The following UNC13C variants were observed in gnomAD, a reference collection of about 807,000 sequenced individuals.
UNC13C encodes the protein protein unc-13 homolog C.
In UNC13C, 174 loss-of-function variants were observed where a neutral mutation model predicts 245.4. That is an observed-to-expected ratio of 0.71 (90% confidence interval 0.63 to 0.80). The LOEUF (loss-of-function observed/expected upper bound fraction) is 0.80. Among genes scored for constraint, UNC13C ranks in the 30% least tolerant of loss-of-function variants. The probability of loss-of-function intolerance (pLI) is 0.00; values close to 1 mark genes in which losing one functional copy is unlikely to be tolerated. For synonymous variants in UNC13C, 992 were observed against 895.1 expected (o/e 1.11, Z -1.93); for missense variants, 2,829 against 2,602.9 (o/e 1.09, Z -1.89).
chr15:54,632,883 C>G (rs1370336921), downstream of UNC13C: 1 of 152,126 alleles, frequency 6.6e-6, no homozygotes, highest in Non-Finnish European at 1.5e-5. Context: ...TTTTAACAGC[C>G]AGCCAGGCAC....
chr15:54,044,218 T>G (rs34482707), intron 2 of UNC13C, among the ~76,000 whole-genome samples: 40,418 of 152,114 alleles, frequency 0.27, 6,862 homozygotes, highest in Middle Eastern at 0.52. Flanking sequence ...TTATAATGTT[T>G]TCAAGGTTTC....
At chr15:53,880,596 T>G in the UNC13C span, among the ~76,000 whole-genome samples, 2 of 152,160 alleles carry the variant, frequency 1.3e-5, no homozygotes, top group Admixed American at 1.3e-4. Flanking sequence ...TCCTGATGTA[T>G]TATAAGGATA....
At chr15:54,426,417 A>T (rs764628470) in intron 19 of UNC13C, among the ~76,000 whole-genome samples, 1 of 150,476 alleles carries the variant, frequency 6.6e-6, no homozygotes, top group African/African-American at 2.4e-5. Context: ...CACCTTCAGT[A>T]TCTTTACAAG....
intron 30 of UNC13C, among the ~76,000 whole-genome samples, chr15:54,612,480 G>GT (rs1441930466): frequency 3.3e-5 from 5 of 152,040 alleles, no homozygotes; most frequent in East Asian, 1.9e-4. Flanking sequence ...ATTTACAAAT[G>GT]TTTTTTGTTT....
chr15:53,997,720 T>C (rs1054942994), intron 1 of UNC13C, among the ~76,000 whole-genome samples: 8 of 152,270 alleles, frequency 5.3e-5, no homozygotes, highest in African/African-American at 1.7e-4. Context: ...TCTCTAGTTA[T>C]ATCAGTATCA....
At chr15:54,055,547 T>G (rs1897472450) in intron 2 of UNC13C, among the ~76,000 whole-genome samples, 1 of 152,216 alleles carries the variant, frequency 6.6e-6, no homozygotes, top group Admixed American at 6.5e-5. Flanking sequence ...GATTTTAGTT[T>G]GTAGCCATGT....
At chr15:53,842,271 T>C in the UNC13C span, among the ~76,000 whole-genome samples, 1 of 152,218 alleles carries the variant, frequency 6.6e-6, no homozygotes, top group Non-Finnish European at 1.5e-5. Flanking sequence ...TGCTCATTCA[T>C]AAAGTATAAA....
chr15:54,264,783 A>G (rs555467373), intron 9 of UNC13C, among the ~76,000 whole-genome samples: 4 of 151,958 alleles, frequency 2.6e-5, no homozygotes, highest in East Asian at 1.9e-4. Flanking sequence ...TCCCTCATCC[A>G]TTTGGTCCTC....
intron 19 of UNC13C, among the ~76,000 whole-genome samples, chr15:54,445,421 G>T (rs1206868635): frequency 6.6e-6 from 1 of 152,116 alleles, no homozygotes; most frequent in Non-Finnish European, 1.5e-5. Context: ...CCCACCAATG[G>T]TGTAAAAGTG....
At chr15:54,142,030 G>T (rs2032046425) in intron 2 of UNC13C, among the ~76,000 whole-genome samples, 1 of 152,094 alleles carries the variant, frequency 6.6e-6, no homozygotes, top group Non-Finnish European at 1.5e-5. Context: ...TGTCACTCCA[G>T]CTCTAGCATT....
At chr15:54,547,836 T>G (rs1232166111) in intron 27 of UNC13C, among the ~76,000 whole-genome samples, 3 of 152,298 alleles carry the variant, frequency 2.0e-5, no homozygotes, top group Middle Eastern at 3.4e-3. Flanking sequence ...CTTCAATACA[T>G]AATATATTTC....
intron 2 of UNC13C, chr15:54,050,158 A>T: frequency 2.3e-6 from 1 of 429,824 alleles, no homozygotes; most frequent in Non-Finnish European, 4.6e-6. Context: ...TTTAGTAGAG[A>T]CAGGGGTTTC....
intron 17 of UNC13C, among the ~76,000 whole-genome samples, chr15:54,358,187 T>C (rs1008275643): frequency 3.3e-5 from 5 of 152,096 alleles, no homozygotes; most frequent in African/African-American, 1.2e-4. Context: ...TGTGTCTGTT[T>C]TTATGCCATT....
the UNC13C span, among the ~76,000 whole-genome samples, chr15:53,868,739 A>G: frequency 3.3e-5 from 5 of 152,146 alleles, no homozygotes; most frequent in Non-Finnish European, 4.4e-5. Context: ...GAATAAGTTA[A>G]CTTTGAAGCA....
chr15:53,952,559 A>G, the UNC13C span, among the ~76,000 whole-genome samples: 1 of 152,210 alleles, frequency 6.6e-6, no homozygotes, highest in African/African-American at 2.4e-5. Flanking sequence ...ACACCTTGGG[A>G]CCTTTAAAAA....
At chr15:54,296,616 C>G (rs1241938853) in intron 11 of UNC13C, among the ~76,000 whole-genome samples, 1 of 152,094 alleles carries the variant, frequency 6.6e-6, no homozygotes, top group Non-Finnish European at 1.5e-5. Flanking sequence ...ATCTTTGCAA[C>G]ACAAATGACG....
At chr15:54,200,748 A>G (rs1455554567) in intron 4 of UNC13C, among the ~76,000 whole-genome samples, 2 of 152,058 alleles carry the variant, frequency 1.3e-5, no homozygotes, top group Non-Finnish European at 2.9e-5. Context: ...ATCTAAGGTC[A>G]CACCTCATGG....
the UNC13C span, among the ~76,000 whole-genome samples, chr15:53,953,203 G>C: frequency 6.6e-6 from 1 of 152,150 alleles, no homozygotes; most frequent in African/African-American, 2.4e-5. Flanking sequence ...AATGATCAGA[G>C]ATCACATTTT....
the UNC13C span, chr15:53,913,673 T>G: frequency 6.6e-6 from 1 of 152,180 alleles, no homozygotes; most frequent in Non-Finnish European, 1.5e-5. Flanking sequence ...TAAAGTACAC[T>G]GATTACAAGT....
Sources: allele counts gnomAD v4.1 joint callset (sites outside exome capture counted in the v4.1 genomes callset), GRCh38; gene constraint gnomAD v4.1.1; transcripts MANE v1.5; gene names NCBI Gene and HGNC (gene_info 2026-07-23, HGNC 2026-07-21).